SCAF1: variants seen among roughly 807,000 people sequenced by gnomAD.
SCAF1 encodes SR-related CTD associated factor 1.
A neutral mutation model predicts 91.2 loss-of-function variants in SCAF1; 28 were observed. The observed-to-expected ratio is 0.31, with a 90% confidence interval of 0.23 to 0.42. The LOEUF (loss-of-function observed/expected upper bound fraction) is 0.42. Among genes scored for constraint, SCAF1 ranks in the 10% least tolerant of loss-of-function variants. SCAF1 has a pLI of 1.00. For missense variants in SCAF1, 1,893 were observed against 1,872.1 expected, an observed-to-expected ratio of 1.01 and a Z score of -0.21; for synonymous variants, 1,036 against 833.7, an observed-to-expected ratio of 1.24 and a Z score of -4.18.
chr19:49,654,520 G>A, intron 8 of SCAF1, 89 bp downstream of exon 8: 1 of 1,423,438 alleles, frequency 7.0e-7, no homozygotes. Context: ...GGCAGCTCTG[G>A]GGCAAGGTAT....
Position 49,653,486 on chromosome 19 carries a change from G to T in SCAF1, c.3097G>T (p.Glu1033Ter). Residue 1033 changes from glutamate (E) to a stop codon, truncating the protein, a stop_gained, in exon 7 of 11, where the codon GAA becomes TAA. Coordinates refer to ENST00000360565, the MANE Select transcript of SCAF1 (RefSeq NM_021228.3). LOFTEE classifies it high-confidence loss of function. The stretch of plus-strand genomic sequence containing the variant: ...GGAGGAGGAAGAAGAAGAGGAGGAG[G>T]AAGAGGAAGAGGAGGAGGAGCAGCA... ...EEEEEEEEEEEEEEEEEQQPA... is the reference protein window; with the variant it reads ...EEEEEEEEEE 6.4e-7 allele frequency: 1 copy of T among 1,557,288 alleles called. No homozygotes were observed. The highest frequency in any genetic ancestry group is 2.3e-5 in the East Asian group (1 of 43,714).
At chr19:49,656,811 T>C (rs1272062010) in intron 9 of SCAF1, among the ~76,000 whole-genome samples, 1 of 152,156 alleles carries the variant, frequency 6.6e-6, no homozygotes, top group Non-Finnish European at 1.5e-5. Context: ...ATGTCCTCCA[T>C]GTGTGTCGCT....
Position 49,646,032 on chromosome 19 carries a change from GCTC to G in SCAF1, c.167-72_167-70del. The G allele has an allele frequency of 7.4e-7, 1 of 1,350,540 alleles. No individual in the cohort carries two copies. The highest frequency in any genetic ancestry group is 1.2e-5 in the South Asian group (1 of 85,308). 83.7% of individuals were successfully genotyped at this position (1,350,540 alleles called of 1,614,324 possible). A position where few individuals can be genotyped will look rare whatever the true frequency, so the allele number is the denominator to read the frequency against. On this transcript the variant is annotated intron_variant, in intron 3 of 10. Transcript: ENST00000360565. The surrounding 1 kb of genome is among the most constrained non-coding windows in gnomAD (Gnocchi z 5.6). The stretch of plus-strand genomic sequence containing the variant: ...GTTCCGCTGTCAGGAACTAGATCAA[GCTC>G]CTCTTTCCTCTACCCCGCAAGTCTC...
In SCAF1 at chr19:49,646,174, A is replaced by G; in HGVS notation, c.233A>G (p.Gln78Arg). ...AGTCCACGGTCAGAGCCCCGTTCCC[A>G]GGAATCAGGGGGCACTGACACGGCT... ...CRSPRSEPRSQESGGTDTATV... is the reference protein window; with the variant it reads ...CRSPRSEPRSRESGGTDTATV... Residue 78 changes from glutamine (Q) to arginine (R), a missense_variant, in exon 4 of 11, where the codon CAG becomes CGG. Around this residue, in one of 5 missense-constraint regions of SCAF1, gnomAD observed 270 missense variants for 292.5 expected, o/e 0.92. Transcript: ENST00000360565. The surrounding 1 kb of genome is among the most constrained non-coding windows in gnomAD (Gnocchi z 5.6). 6.2e-7 allele frequency: 1 copy of G among 1,605,702 alleles called. No individual in the cohort carries two copies. Among genetic ancestry groups the G allele is most frequent in the Non-Finnish European group, 8.5e-7 (1 of 1,177,794 alleles).
chr19:49,654,625 C>T (rs2081126922), intron 8 of SCAF1, 27 bp from the exon 9 acceptor site: 4 of 1,564,226 alleles, frequency 2.6e-6, no homozygotes, highest in South Asian at 1.1e-5. Context: ...TCCCTTTACT[C>T]ATCACCCCTC....
At chr19:49,653,786 G>T in intron 7 of SCAF1, 81 bp downstream of exon 7, 2 of 1,334,186 alleles carry the variant, frequency 1.5e-6, no homozygotes, top group East Asian at 2.7e-5. Flanking sequence ...AGAGGCAGTG[G>T]GGTGCCCTGG....
rs1011304939 is a variant in SCAF1 at position 49,646,417 on chromosome 19, T to C, written c.262-109T>C. On this transcript the variant is annotated intron_variant, in intron 4 of 10. Coordinates refer to ENST00000360565, the MANE Select transcript of SCAF1 (RefSeq NM_021228.3). The surrounding 1 kb of genome is among the most constrained non-coding windows in gnomAD (Gnocchi z 5.6). Reference sequence around the variant, plus strand: ...TATAGGAATTAGATCCTCAGTTTTCTTGGGGATCTTAGATGTCTGGGTTCC... The same window carrying C: ...TATAGGAATTAGATCCTCAGTTTTCCTGGGGATCTTAGATGTCTGGGTTCC... The C allele has an allele frequency of 5.8e-6, 6 of 1,031,522 alleles. No homozygotes were observed. In the Admixed American group the frequency reaches 9.3e-5, roughly 16 times the overall value. 63.9% of individuals were successfully genotyped at this position (1,031,522 alleles called of 1,614,324 possible). A position where few individuals can be genotyped will look rare whatever the true frequency, so the allele number is the denominator to read the frequency against.
rs200033496 is a variant in SCAF1 at position 49,653,093 on chromosome 19, G to A, written c.2704G>A (p.Val902Ile). ...PGSTKPKKTK[V>I]KAKAGAKKTK... ...CAGCACCAAGCCCAAAAAGACCAAG[G>A]TCAAGGCCAAGGCAGGGGCCAAGAA... The change falls in exon 7 of 11, where the codon GTC becomes ATC. Residue 902 changes from valine (V) to isoleucine (I), a missense_variant. By Grantham distance (29) the Val-to-Ile change is conservative (BLOSUM62 3). Transcript: ENST00000360565. 324 of 1,613,044 alleles carry A rather than the reference G, an allele frequency of 2.0e-4. No homozygotes were observed. The highest frequency in any genetic ancestry group is 9.9e-4 in the Middle Eastern group (6 of 6,078).
rs1485714381 is a variant in SCAF1, at chr19:49,642,262, C to T, written c.-7+20C>T. On this transcript the variant is annotated intron_variant, in intron 1 of 10. Coordinates refer to ENST00000360565, the MANE Select transcript of SCAF1 (RefSeq NM_021228.3). This position sits in a 1 kb window ranked among gnomAD's most constrained non-coding sequence, Gnocchi z 4.0. ...GGCGGGGTAAGATGGCGGCGGCAGT[C>T]CGGGCCGCGGGGCTCGGGCCTATTG... 1.3e-5 allele frequency: 2 copies of T among 152,156 alleles called. No homozygotes were observed. The highest frequency in any genetic ancestry group is 2.9e-5 in the Non-Finnish European group (2 of 68,006). The allele number at this position is 152,156 out of a possible 1,614,324, so 9.4% of individuals were successfully genotyped here. A position where few individuals can be genotyped will look rare whatever the true frequency, so the allele number is the denominator to read the frequency against.
Position 49,646,047 on chromosome 19 carries a change from A to G in SCAF1, c.167-61A>G, listed in dbSNP as rs1261608283. 3.4e-6 allele frequency: 5 copies of G among 1,472,060 alleles called. No individual in the cohort carries two copies. The highest frequency in any genetic ancestry group is 1.7e-4 in the Middle Eastern group (1 of 5,806). The allele number at this position is 1,472,060 out of a possible 1,614,324, so 91.2% of individuals were successfully genotyped here. A position where few individuals can be genotyped will look rare whatever the true frequency, so the allele number is the denominator to read the frequency against. ...ACTAGATCAAGCTCCTCTTTCCTCT[A>G]CCCCGCAAGTCTCTGCAGCAAGTCC... On this transcript the variant is annotated intron_variant, in intron 3 of 10. Coordinates refer to ENST00000360565, the MANE Select transcript of SCAF1 (RefSeq NM_021228.3). The surrounding 1 kb of genome is among the most constrained non-coding windows in gnomAD (Gnocchi z 5.6).
At chr19:49,641,424 C>A (rs1452814768), upstream of SCAF1, among the ~76,000 whole-genome samples, 1 of 152,200 alleles carries the variant, frequency 6.6e-6, no homozygotes, top group African/African-American at 2.4e-5. Flanking sequence ...TCAAGCGATT[C>A]TCCTACCTCA....
intron 7 of SCAF1, 101 bp downstream of exon 7, chr19:49,653,806 G>T: frequency 8.5e-7 from 1 of 1,181,086 alleles, no homozygotes; most frequent in South Asian, 1.7e-5. Flanking sequence ...GCAGGGAGAG[G>T]TTTATAGGGA....
intron 6 of SCAF1, among the ~76,000 whole-genome samples, chr19:49,648,561 C>A (rs954694751): frequency 7.1e-5 from 4 of 56,480 alleles, no homozygotes; most frequent in African/African-American, 4.4e-4. Context: ...GCCTGCCACA[C>A]CCCCCCCCCT....
chr19:49,654,442 C>G lies in SCAF1; in HGVS notation c.3399+11C>G. 1.2e-6 allele frequency: 2 copies of G among 1,611,944 alleles called. No individual in the cohort carries two copies. The highest frequency in any genetic ancestry group is 1.7e-6 in the Non-Finnish European group (2 of 1,178,858). On this transcript the variant is annotated intron_variant, in intron 8 of 10. Coordinates refer to ENST00000360565, the MANE Select transcript of SCAF1 (RefSeq NM_021228.3). ...CAGGCCACCAACCAGGTGGGCTCCC[C>G]TGGGGGAGAGTCCCTGCCGCCCCTT...
In SCAF1 at chr19:49,652,677, C is replaced by A. The variant is rs1245528833; in HGVS notation, c.2288C>A (p.Ser763Tyr). Residue 763 changes from serine to tyrosine, a missense_variant, in exon 7 of 11, where the codon TCC becomes TAC. By Grantham distance (144) the Ser-to-Tyr change is moderately radical. Coordinates refer to ENST00000360565, the MANE Select transcript of SCAF1 (RefSeq NM_021228.3). ...RSGAASSSSSSREKGSRRKAL... is the reference protein window; with the variant it reads ...RSGAASSSSSYREKGSRRKAL... ...GGGGCCGCCTCCTCCTCCTCCTCTT[C>A]CCGGGAGAAGGGGTCTCGTCGGAAG... 1.9e-6 allele frequency: 3 copies of A among 1,566,674 alleles called. No homozygotes were observed. The highest frequency in any genetic ancestry group is 2.6e-6 in the Non-Finnish European group (3 of 1,155,826).
chr19:49,644,811 A>C, intron 1 of SCAF1: 6 of 418,776 alleles, frequency 1.4e-5, no homozygotes, highest in East Asian at 4.0e-5. Context: ...GAAAAAAGGA[A>C]GAGAATTGCT....
chr19:49,657,923 G>A (rs776901038), intron 10 of SCAF1, 34 bp downstream of exon 10: 47 of 1,604,148 alleles, frequency 2.9e-5, no homozygotes, highest in Admixed American at 8.6e-5. Context: ...GACACAGGCC[G>A]GGGAGAGAAC....
chr19:49,648,460 T>G (rs1198035565), intron 6 of SCAF1, among the ~76,000 whole-genome samples: 4 of 151,950 alleles, frequency 2.6e-5, no homozygotes, highest in African/African-American at 9.7e-5. Flanking sequence ...GGTCTTGATA[T>G]GTTGCGCAGG....
rs929477719 is a variant in SCAF1, at chr19:49,652,304, G to A, written c.1915G>A (p.Gly639Ser). ...RHRGKHRDGG[G>S]SKKKKKRSRS... Reference sequence around the variant, plus strand: ...CCGCGGGAAACACCGGGACGGTGGCGGCAGCAAGAAGAAGAAGAAGCGGTC... The same window carrying A: ...CCGCGGGAAACACCGGGACGGTGGCAGCAGCAAGAAGAAGAAGAAGCGGTC... The change falls in exon 7 of 11, where the codon GGC becomes AGC. Residue 639 changes from glycine (G) to serine (S), a missense_variant. Physicochemically the swap from Gly to Ser is moderately conservative, Grantham distance 56. Coordinates refer to ENST00000360565, the MANE Select transcript of SCAF1 (RefSeq NM_021228.3). The A allele has an allele frequency of 9.1e-6, 14 of 1,530,792 alleles. No homozygotes were observed. Among genetic ancestry groups the A allele is most frequent in the Admixed American group, 2.0e-5 (1 of 49,156 alleles). The allele number at this position is 1,530,792 out of a possible 1,614,324, so 94.8% of individuals were successfully genotyped here.
Sources: gnomAD v4.1 joint callset for allele counts (sites outside exome capture counted in the v4.1 genomes callset) on GRCh38, gnomAD v4.1.1 for gene constraint, gnomAD v4.1.1 regional missense constraint, Gnocchi (gnomAD v3.1) non-coding constraint, MANE v1.5 for transcripts, NCBI Gene and HGNC (gene_info 2026-07-23, HGNC 2026-07-21) for gene names.